The following ANKRD18B variants were observed in gnomAD, a reference collection of about 807,000 sequenced individuals.
ANKRD18B encodes the protein ankyrin repeat domain 18B.
ANKRD18B carries 75 observed loss-of-function variants against 111.8 expected under a neutral mutation model. That is an observed-to-expected ratio of 0.67 (90% confidence interval 0.56 to 0.81). The LOEUF (loss-of-function observed/expected upper bound fraction) is 0.81. Among genes scored for constraint, ANKRD18B ranks in the 40% least tolerant of loss-of-function variants. The probability of loss-of-function intolerance (pLI) is 0.00; values close to 1 mark genes in which losing one functional copy is unlikely to be tolerated. For missense variants in ANKRD18B, 1,038 were observed against 1,225.5 expected (o/e 0.85, Z 2.28); for synonymous variants, 356 against 417.3 (o/e 0.85, Z 1.79).
intron 3 of ANKRD18B, among the ~76,000 whole-genome samples, chr9:33,532,053 T>C (rs1260499607): frequency 6.6e-6 from 1 of 152,048 alleles, no homozygotes; most frequent in African/African-American, 2.4e-5. Flanking sequence ...GCTAACACGG[T>C]GAAACCCTAA....
chr9:33,560,713 C>T (rs1342812122), intron 14 of ANKRD18B, among the ~76,000 whole-genome samples: 2 of 152,122 alleles, frequency 1.3e-5, no homozygotes, highest in Non-Finnish European at 2.9e-5. Flanking sequence ...GTAATCCCAG[C>T]ACTTTGGGAG....
At chr9:33,530,527 C>CAAAAA (rs34371607) in intron 3 of ANKRD18B, among the ~76,000 whole-genome samples, 20 of 82,978 alleles carry the variant, frequency 2.4e-4, no homozygotes, top group African/African-American at 5.7e-4. Flanking sequence ...ACAACAAGAG[C>CAAAAA]AAAAAAAAAA....
intron 15 of ANKRD18B, 55 bp from the exon 16 acceptor site, chr9:33,567,048 A>G (rs1322963894): frequency 4.7e-6 from 7 of 1,475,874 alleles, no homozygotes; most frequent in Non-Finnish European, 6.3e-6. Flanking sequence ...GGCAACAAAC[A>G]TATGGTAATT....
intron 10 of ANKRD18B, among the ~76,000 whole-genome samples, chr9:33,547,333 A>G (rs1022983652): frequency 2.0e-5 from 3 of 152,150 alleles, no homozygotes; most frequent in African/African-American, 7.2e-5. Context: ...GTGATAACTA[A>G]ATAAGTTCAT....
chr9:33,562,268 G>A (rs1828618698), intron 14 of ANKRD18B, among the ~76,000 whole-genome samples: 1 of 151,286 alleles, frequency 6.6e-6, no homozygotes, highest in Non-Finnish European at 1.5e-5. Context: ...CAGGAAGGAG[G>A]AGTTTAAGTC....
chr9:33,534,415 C>T lies in ANKRD18B; in HGVS notation c.648C>T (p.Val216=), dbSNP rs868009028. 4 of 1,550,770 alleles carry T rather than the reference C, an allele frequency of 2.6e-6. No homozygotes were observed. The Middle Eastern group carries it at 5.0e-4, about 194-fold the overall frequency. ...LAVQHNLSSI[V]TLLLQQNIHI... ...TACAGCATAACTTGTCAAGTATCGT[C>T]ACCCTCCTGCTTCAACAAAATATAC... The change falls in exon 5 of 19, where the codon GTC becomes GTT. Residue 216 remains valine, a synonymous_variant. Transcript: ENST00000684830.
intron 14 of ANKRD18B, 77 bp from the exon 15 acceptor site, chr9:33,566,142 C>T (rs1828679271): frequency 7.7e-7 from 1 of 1,304,718 alleles, no homozygotes; most frequent in East Asian, 2.5e-5. Context: ...GGATGCATTT[C>T]AAAATTTGCT....
chr9:33,572,842 A>G lies in ANKRD18B; in HGVS notation c.*408A>G. 9 of 679,046 alleles carry G rather than the reference A, an allele frequency of 1.3e-5. No homozygotes were observed. Among genetic ancestry groups the G allele is most frequent in the Non-Finnish European group, 1.6e-5 (9 of 547,210 alleles). 42.1% of individuals were successfully genotyped at this position (679,046 alleles called of 1,614,324 possible). ...AGTATTTTGTGTGGAGATACTTTGA[A>G]GCTCTGTAAATATCTGGTTACTCCT... On this transcript the variant is annotated 3_prime_UTR_variant, in exon 19 of 19. Coordinates refer to ENST00000684830, the MANE Select transcript of ANKRD18B (RefSeq NM_001393611.1).
intron 1 of ANKRD18B, 114 bp downstream of exon 1, chr9:33,524,809 G>A: frequency 1.6e-6 from 2 of 1,266,402 alleles, no homozygotes; most frequent in Non-Finnish European, 2.2e-6. Flanking sequence ...GAGCCAAATG[G>A]AGCCTCAGCT....
chr9:33,561,823 A>G (rs997681984), intron 14 of ANKRD18B, among the ~76,000 whole-genome samples: 2 of 152,166 alleles, frequency 1.3e-5, no homozygotes, highest in African/African-American at 4.8e-5. Flanking sequence ...TTGACTGTAA[A>G]TGTGCAGGCT....
chr9:33,529,049 G>A lies in ANKRD18B; in HGVS notation c.371G>A (p.Gly124Asp), dbSNP rs1161805875. ...TGTGCCATTATTCTCCTGAAACGTG[G>A]CGCCAATCCAAACATTAAGGATATC... ...EACAIILLKR[G>D]ANPNIKDIYG... The change falls in exon 3 of 19, where the codon GGC becomes GAC. Residue 124 changes from glycine (G) to aspartate (D), a missense_variant. Physicochemically the swap from Gly to Asp is moderately conservative, Grantham distance 94. Around this residue, in one of 4 missense-constraint regions of ANKRD18B, gnomAD observed 216 missense variants for 205.1 expected, o/e 1.05. Transcript: ENST00000684830. 3 of 1,612,252 alleles carry A rather than the reference G, an allele frequency of 1.9e-6. No individual in the cohort carries two copies. The highest frequency in any genetic ancestry group is 1.1e-5 in the South Asian group (1 of 90,996).
intron 12 of ANKRD18B, among the ~76,000 whole-genome samples, chr9:33,552,993 A>G (rs200128303): frequency 0.14 from 20,883 of 148,782 alleles, 1,610 homozygotes; most frequent in South Asian, 0.21. Context: ...AAGGTCGCAC[A>G]GCTAGTATCT....
intron 9 of ANKRD18B, among the ~76,000 whole-genome samples, chr9:33,541,947 A>G (rs1342101670): frequency 6.6e-6 from 1 of 152,110 alleles, no homozygotes; most frequent in Non-Finnish European, 1.5e-5. Flanking sequence ...CTTCTCATGT[A>G]GACAAAAACA....
intron 15 of ANKRD18B, among the ~76,000 whole-genome samples, chr9:33,566,720 A>G (rs1402651530): frequency 6.6e-6 from 1 of 152,170 alleles, no homozygotes; most frequent in African/African-American, 2.4e-5. Flanking sequence ...TTCTCACTAT[A>G]CAGTAAAAGG....
At chr9:33,541,338 A>T (rs1049058214) in intron 9 of ANKRD18B, 111 bp downstream of exon 9, 5 of 1,410,836 alleles carry the variant, frequency 3.5e-6, no homozygotes, top group Non-Finnish European at 4.7e-6. Flanking sequence ...CATGGAGTAC[A>T]TCAGTCTATT....
At chr9:33,568,961 G>A in intron 17 of ANKRD18B, 68 bp downstream of exon 17, 1 of 1,370,936 alleles carries the variant, frequency 7.3e-7, no homozygotes, top group Non-Finnish European at 9.7e-7. Flanking sequence ...ATAATTTGGT[G>A]AAATACTGAG....
chr9:33,562,805 CCTT>C (rs540154378), intron 14 of ANKRD18B, among the ~76,000 whole-genome samples: 3 of 152,198 alleles, frequency 2.0e-5, no homozygotes, highest in African/African-American at 7.2e-5. Flanking sequence ...ATAATTTTCT[CCTT>C]ATTTCCTCAT....
At chr9:33,557,601 C>T (rs1828545267) in intron 13 of ANKRD18B, among the ~76,000 whole-genome samples, 1 of 152,008 alleles carries the variant, frequency 6.6e-6, no homozygotes, top group Admixed American at 6.6e-5. Context: ...CCAGCCTGAC[C>T]AACATGGTGA....
chr9:33,560,132 T>C (rs1828584981), intron 14 of ANKRD18B, among the ~76,000 whole-genome samples: 2 of 152,184 alleles, frequency 1.3e-5, no homozygotes, highest in Admixed American at 1.3e-4. Flanking sequence ...TTTCACTCCT[T>C]AGTTCAGCTA....
Sources: gnomAD v4.1 joint callset for allele counts (sites outside exome capture counted in the v4.1 genomes callset) on GRCh38, gnomAD v4.1.1 for gene constraint, gnomAD v4.1.1 regional missense constraint, MANE v1.5 for transcripts, NCBI Gene and HGNC (gene_info 2026-07-23, HGNC 2026-07-21) for gene names.